Variants in TEX11 observed in about 807,000 individuals in gnomAD.
TEX11 encodes testis expressed 11, also known as testis-expressed protein 11.
TEX11 carries 7 observed loss-of-function variants against 84.4 expected under a neutral mutation model. The observed-to-expected ratio is 0.08, with a 90% CI of 0.05 to 0.16. The LOEUF (loss-of-function observed/expected upper bound fraction) is 0.16. Ranked by LOEUF, TEX11 falls within the 10% of genes least tolerant of loss-of-function variation. The pLI, the probability that TEX11 is intolerant of heterozygous loss-of-function variation, is 1.00. For missense variants in TEX11, 551 were observed against 660.5 expected, an observed-to-expected ratio of 0.83 and a Z score of 1.82; for synonymous variants, 264 against 222.8, an observed-to-expected ratio of 1.18 and a Z score of -1.64.
At chrX:70,608,218 A>G (rs1044512233) in intron 22 of TEX11, among the ~76,000 whole-genome samples, 1 of 112,258 alleles carries the variant, frequency 8.9e-6, no homozygotes, top group Non-Finnish European at 1.9e-5. Flanking sequence ...ACATTACCAG[A>G]AACCCTGAAG....
intron 7 of TEX11, among the ~76,000 whole-genome samples, chrX:70,839,558 C>G (rs1200889346): frequency 9.0e-6 from 1 of 111,623 alleles, no homozygotes; most frequent in African/African-American, 3.3e-5. Flanking sequence ...AGCAGAAAAA[C>G]TGGAAACTCT....
the TEX11 span, among the ~76,000 whole-genome samples, chrX:70,512,380 G>A: frequency 1.0e-4 from 11 of 107,530 alleles, no homozygotes; most frequent in Admixed American, 5.9e-4. Context: ...CACCACACCC[G>A]GCTAATTTTT....
At chrX:70,874,964 C>T (rs1003709346) in intron 3 of TEX11, among the ~76,000 whole-genome samples, 6 of 109,370 alleles carry the variant, frequency 5.5e-5, no homozygotes, top group African/African-American at 2.0e-4. Flanking sequence ...TGCCTGAGGT[C>T]AGGTGTTCGA....
chrX:70,864,829 T>C (rs1915225734), intron 4 of TEX11, among the ~76,000 whole-genome samples: 1 of 110,047 alleles, frequency 9.1e-6, no homozygotes, highest in Non-Finnish European at 1.9e-5. Context: ...AAAAGAGATT[T>C]CCAAACAAGC....
chrX:70,562,005 A>T (rs2088382930), intron 25 of TEX11, among the ~76,000 whole-genome samples: 1 of 111,606 alleles, frequency 9.0e-6, no homozygotes, highest in Non-Finnish European at 1.9e-5. Context: ...CACAACTCAA[A>T]CTTCTATCCA....
At chrX:70,655,755 C>A (rs1416408216) in intron 16 of TEX11, among the ~76,000 whole-genome samples, 3 of 110,932 alleles carry the variant, frequency 2.7e-5, no homozygotes, top group African/African-American at 6.6e-5. Flanking sequence ...GGACTTCCAG[C>A]CTCCAGAACT....
At chrX:70,831,198 T>A (rs1313206064) in intron 8 of TEX11, among the ~76,000 whole-genome samples, 2 of 111,770 alleles carry the variant, frequency 1.8e-5, no homozygotes, top group Non-Finnish European at 3.8e-5. Context: ...CTAAGTGAAA[T>A]AAGCCAGCCG....
chrX:70,851,154 A>T (rs1344692024), intron 7 of TEX11, among the ~76,000 whole-genome samples: 2 of 111,959 alleles, frequency 1.8e-5, no homozygotes, highest in Non-Finnish European at 3.8e-5. Context: ...CTTTAAAAAG[A>T]ACAAAACTGG....
chrX:70,864,868 G>A (rs971759764), intron 4 of TEX11, among the ~76,000 whole-genome samples: 9 of 110,381 alleles, frequency 8.2e-5, no homozygotes, highest in Non-Finnish European at 1.3e-4. Flanking sequence ...TGACCACCAG[G>A]CCTGCCTTAC....
At chrX:70,541,299 G>A (rs889630341) in intron 28 of TEX11, among the ~76,000 whole-genome samples, 2 of 111,731 alleles carry the variant, frequency 1.8e-5, no homozygotes, top group African/African-American at 6.5e-5. Context: ...ATAGAAATTG[G>A]TAATAGATTT....
chrX:70,821,675 G>A (rs993531451), intron 8 of TEX11, among the ~76,000 whole-genome samples: 4 of 111,563 alleles, frequency 3.6e-5, no homozygotes, highest in Admixed American at 1.9e-4. Context: ...ATGTGAGAAC[G>A]AACTAATACA....
Position 70,735,301 on chromosome X carries a change from C to T in TEX11, c.843+5400G>A, listed in dbSNP as rs1407486529. On this transcript the variant is annotated intron_variant, in intron 11 of 29. Coordinates refer to ENST00000374333, the MANE Select transcript of TEX11 (RefSeq NM_031276.3). ...TCCTGACCTCAAGTGATCCACCCACCTCAGCCTCCCAAAGTACTGGGATTA... is the reference window on the plus strand; with the variant it reads ...TCCTGACCTCAAGTGATCCACCCACTTCAGCCTCCCAAAGTACTGGGATTA... Among the ~76,000 whole-genome samples the T allele has an allele frequency of 2.7e-5, 3 of 111,711 alleles. No homozygotes were observed. The Admixed American group carries it at 2.9e-4, about 11-fold the overall frequency.
chrX:70,553,846 G>T (rs773789053), intron 26 of TEX11, among the ~76,000 whole-genome samples: 3 of 111,777 alleles, frequency 2.7e-5, no homozygotes, highest in Non-Finnish European at 5.6e-5. Flanking sequence ...CTTGACAAGG[G>T]AGTATCAGAG....
rs150816942 is a variant in TEX11, at chrX:70,605,123, T to G, written c.2067+278A>C. 9.5e-3 allele frequency among the ~76,000 whole-genome samples: 1,061 copies of G among 111,288 alleles called. 8 individuals are homozygous for G. The highest frequency in any genetic ancestry group is 0.033 in the African/African-American group (1,004 of 30,684). ...CGCGTATATAATCACAGGCAGACAATGAAGATAAAAGATATTTAAAAACAT... is the reference window on the plus strand; with the variant it reads ...CGCGTATATAATCACAGGCAGACAAGGAAGATAAAAGATATTTAAAAACAT... On this transcript the variant is annotated intron_variant, in intron 24 of 29. Transcript: ENST00000374333.
intron 28 of TEX11, among the ~76,000 whole-genome samples, chrX:70,534,868 A>C (rs1009427007): frequency 2.7e-5 from 3 of 111,817 alleles, no homozygotes; most frequent in Non-Finnish European, 5.6e-5. Flanking sequence ...CCATCATCAC[A>C]ATCAATTATG....
chrX:70,749,935 A>C (rs968637347), intron 9 of TEX11, among the ~76,000 whole-genome samples: 9 of 110,885 alleles, frequency 8.1e-5, no homozygotes, highest in Non-Finnish European at 1.5e-4. Context: ...ATCTAATTAA[A>C]CTAAAGAGCT....
At chrX:70,859,749 C>G (rs2091559127) in intron 5 of TEX11, among the ~76,000 whole-genome samples, 1 of 111,303 alleles carries the variant, frequency 9.0e-6, no homozygotes, top group South Asian at 3.8e-4. Flanking sequence ...GGCGCAGTGG[C>G]TCATGCCTGT....
chrX:70,845,631 C>T (rs932405880), intron 7 of TEX11, among the ~76,000 whole-genome samples: 2 of 109,956 alleles, frequency 1.8e-5, no homozygotes, highest in Admixed American at 9.7e-5. Flanking sequence ...AGTTCGAGAC[C>T]CGCCTGGCCA....
At chrX:70,598,803 G>T (rs979205038) in intron 24 of TEX11, among the ~76,000 whole-genome samples, 4 of 112,067 alleles carry the variant, frequency 3.6e-5, no homozygotes, top group African/African-American at 1.3e-4. Flanking sequence ...TTTGACTTTC[G>T]TGTAAAATAT....
Sources: allele counts gnomAD v4.1 joint callset (sites outside exome capture counted in the v4.1 genomes callset), GRCh38; gene constraint gnomAD v4.1.1; transcripts MANE v1.5; gene names NCBI Gene and HGNC (gene_info 2026-07-23, HGNC 2026-07-21).